The following KCNH7 variants were observed in gnomAD, a reference collection of about 807,000 sequenced individuals.
KCNH7 encodes potassium voltage-gated channel subfamily H member 7.
Under a neutral mutation model 120.8 loss-of-function variants are expected in KCNH7, and 49 were observed. That is an observed-to-expected ratio of 0.41 (90% CI 0.32 to 0.51). The LOEUF (loss-of-function observed/expected upper bound fraction) is 0.51, where lower values mean the gene tolerates loss of function less well. Among genes scored for constraint, KCNH7 ranks in the 20% least tolerant of loss-of-function variants. The probability of loss-of-function intolerance (pLI) is 0.38; values close to 1 mark genes in which losing one functional copy is unlikely to be tolerated. For synonymous variants in KCNH7, 547 were observed against 516.1 expected, an observed-to-expected ratio of 1.06 and a Z score of -0.81; for missense variants, 1,097 against 1,446.6, an observed-to-expected ratio of 0.76 and a Z score of 3.92.
chr2:162,465,664 G>A (rs562376969), intron 6 of KCNH7, among the ~76,000 whole-genome samples: 2 of 152,250 alleles, frequency 1.3e-5, no homozygotes, highest in African/African-American at 2.4e-5. Context: ...GGTGCGCATT[G>A]TATTCATTGA....
chr2:162,829,954 A>G (rs1685417440), intron 2 of KCNH7, among the ~76,000 whole-genome samples: 2 of 151,230 alleles, frequency 1.3e-5, no homozygotes, highest in Non-Finnish European at 2.9e-5. Context: ...CCTTCCATAT[A>G]TCCTGGACAC....
intron 4 of KCNH7, among the ~76,000 whole-genome samples, chr2:162,515,480 G>A (rs1417265328): frequency 6.6e-6 from 1 of 151,762 alleles, no homozygotes; most frequent in Non-Finnish European, 1.5e-5. Flanking sequence ...TTTCAAATTT[G>A]TTGTTTTTGA....
intron 2 of KCNH7, among the ~76,000 whole-genome samples, chr2:162,631,324 T>C (rs975915945): frequency 6.6e-6 from 1 of 152,034 alleles, no homozygotes; most frequent in Non-Finnish European, 1.5e-5. Context: ...TGAGGCAAAT[T>C]GCATTTTTTC....
At chr2:162,454,109 T>C (rs1246147067) in intron 6 of KCNH7, among the ~76,000 whole-genome samples, 1 of 152,222 alleles carries the variant, frequency 6.6e-6, no homozygotes, top group African/African-American at 2.4e-5. Context: ...AAGTCTTTAA[T>C]CCATTTTGAG....
chr2:162,613,985 C>T (rs1388909593), intron 2 of KCNH7, among the ~76,000 whole-genome samples: 2 of 150,792 alleles, frequency 1.3e-5, no homozygotes, highest in Non-Finnish European at 3.0e-5. Context: ...CAGAGAAAGC[C>T]AAATAAACAG....
chr2:162,490,847 T>C (rs1030112414), intron 6 of KCNH7, among the ~76,000 whole-genome samples: 2 of 152,220 alleles, frequency 1.3e-5, no homozygotes, highest in African/African-American at 4.8e-5. Context: ...GATATTACTA[T>C]GTAGAATGAG....
At chr2:162,676,268 A>G (rs1209481350) in intron 2 of KCNH7, among the ~76,000 whole-genome samples, 1 of 151,564 alleles carries the variant, frequency 6.6e-6, no homozygotes, top group Non-Finnish European at 1.5e-5. Flanking sequence ...TATATAAAAA[A>G]GTTTGTTAAG....
intron 2 of KCNH7, among the ~76,000 whole-genome samples, chr2:162,708,052 A>C (rs1398916392): frequency 2.6e-5 from 4 of 151,550 alleles, no homozygotes; most frequent in Non-Finnish European, 5.9e-5. Context: ...CTTAATTTCC[A>C]CAGTAAAATA....
intron 2 of KCNH7, among the ~76,000 whole-genome samples, chr2:162,612,588 A>T (rs180986874): frequency 2.6e-5 from 4 of 152,268 alleles, no homozygotes; most frequent in African/African-American, 9.6e-5. Flanking sequence ...GACACATCTT[A>T]GGATTTCCAG....
chr2:162,487,001 T>G (rs1322013984), intron 6 of KCNH7, among the ~76,000 whole-genome samples: 1 of 152,184 alleles, frequency 6.6e-6, no homozygotes, highest in Non-Finnish European at 1.5e-5. Flanking sequence ...GCAAGGAAGA[T>G]AGTTTAGAGG....
chr2:162,652,204 G>A (rs1299858686), intron 2 of KCNH7, among the ~76,000 whole-genome samples: 4 of 152,030 alleles, frequency 2.6e-5, no homozygotes, highest in Non-Finnish European at 5.9e-5. Context: ...AATCTAAACT[G>A]GTATGTTCAA....
At chr2:162,559,306 G>A (rs1574101273) in intron 2 of KCNH7, among the ~76,000 whole-genome samples, 2 of 152,036 alleles carry the variant, frequency 1.3e-5, no homozygotes, top group East Asian at 3.9e-4. Context: ...TAATTACAAG[G>A]CCAGGTTCAA....
intron 2 of KCNH7, among the ~76,000 whole-genome samples, chr2:162,794,842 A>G (rs959841255): frequency 2.0e-5 from 3 of 152,052 alleles, no homozygotes; most frequent in Non-Finnish European, 4.4e-5. Flanking sequence ...TTGACATGGA[A>G]AAATGACCTT....
At chr2:162,554,732 C>T (rs1692798785) in intron 2 of KCNH7, among the ~76,000 whole-genome samples, 2 of 152,160 alleles carry the variant, frequency 1.3e-5, no homozygotes, top group South Asian at 4.1e-4. Flanking sequence ...ACCTCCCTTT[C>T]ATAACGACCC....
At chr2:162,639,366 G>T (rs1367176231) in intron 2 of KCNH7, among the ~76,000 whole-genome samples, 1 of 152,036 alleles carries the variant, frequency 6.6e-6, no homozygotes, top group African/African-American at 2.4e-5. Context: ...TTGGATGAAT[G>T]AATGAATGCA....
At chr2:162,457,264 A>G (rs1688995283) in intron 6 of KCNH7, among the ~76,000 whole-genome samples, 1 of 152,152 alleles carries the variant, frequency 6.6e-6, no homozygotes, top group Non-Finnish European at 1.5e-5. Context: ...CATTTGAGAA[A>G]TAACATACTT....
intron 2 of KCNH7, among the ~76,000 whole-genome samples, chr2:162,691,639 C>A (rs1197129206): frequency 6.6e-6 from 1 of 151,892 alleles, no homozygotes; most frequent in East Asian, 1.9e-4. Context: ...ATGAAAATAA[C>A]AGGCTAAGAG....
chr2:162,792,693 T>A (rs925605620), intron 2 of KCNH7, among the ~76,000 whole-genome samples: 1 of 148,630 alleles, frequency 6.7e-6, no homozygotes, highest in African/African-American at 2.5e-5. Flanking sequence ...TCTTTATTAG[T>A]CTAACAAGCA....
At chr2:162,607,736 A>G (rs1347999285) in intron 2 of KCNH7, among the ~76,000 whole-genome samples, 1 of 152,150 alleles carries the variant, frequency 6.6e-6, no homozygotes, top group African/African-American at 2.4e-5. Context: ...AGTTGAATGA[A>G]AATTCCAAGC....
Sources: gnomAD v4.1 joint callset for allele counts (sites outside exome capture counted in the v4.1 genomes callset) on GRCh38, gnomAD v4.1.1 for gene constraint, MANE v1.5 for transcripts, NCBI Gene and HGNC (gene_info 2026-07-23, HGNC 2026-07-21) for gene names.